The following ASIC2 variants were observed in gnomAD, a reference collection of about 807,000 sequenced individuals.
ASIC2 encodes the protein acid sensing ion channel subunit 2.
A neutral mutation model predicts 57.3 loss-of-function variants in ASIC2; 25 were observed. The observed-to-expected ratio is 0.44, with a 90% CI of 0.32 to 0.61. The LOEUF is 0.61. ASIC2 is among the 20% of genes least tolerant of loss of function. The pLI is 0.06. For synonymous variants in ASIC2, 319 were observed against 307.5 expected, an observed-to-expected ratio of 1.04 and a Z score of -0.39; for missense variants, 641 against 738.1, an observed-to-expected ratio of 0.87 and a Z score of 1.52.
chr17:33,719,537 T>C (rs1419636658), intron 1 of ASIC2, among the ~76,000 whole-genome samples: 1 of 152,218 alleles, frequency 6.6e-6, no homozygotes, highest in African/African-American at 2.4e-5. Flanking sequence ...GAATAAGATG[T>C]TTTGCTGCCA....
chr17:33,128,525 A>G (rs1294168111), intron 1 of ASIC2, among the ~76,000 whole-genome samples: 3 of 152,150 alleles, frequency 2.0e-5, no homozygotes, highest in Admixed American at 6.5e-5. Context: ...ACACCCATGC[A>G]GGAGGGAAGT....
intron 1 of ASIC2, among the ~76,000 whole-genome samples, chr17:33,347,852 A>G (rs1908012245): frequency 6.6e-6 from 1 of 152,178 alleles, no homozygotes; most frequent in South Asian, 2.1e-4. Context: ...CTGTAATCTC[A>G]GCACTTTGGG....
At chr17:33,660,347 T>TA (rs141606293) in intron 1 of ASIC2, among the ~76,000 whole-genome samples, 8,188 of 151,248 alleles carry the variant, frequency 0.054, 274 homozygotes, top group Non-Finnish European at 0.084. Context: ...ACTTTTTAAT[T>TA]AAAAAAAAAT....
At chr17:33,409,511 G>C (rs901643220) in intron 1 of ASIC2, among the ~76,000 whole-genome samples, 3 of 152,188 alleles carry the variant, frequency 2.0e-5, no homozygotes, top group African/African-American at 7.2e-5. Context: ...GAGAATGATA[G>C]AGATGCGTGA....
intron 1 of ASIC2, among the ~76,000 whole-genome samples, chr17:33,326,378 T>C (rs749342529): frequency 1.3e-5 from 2 of 152,148 alleles, no homozygotes; most frequent in Non-Finnish European, 2.9e-5. Flanking sequence ...TATCCCTCAT[T>C]GTTATGTTTG....
At chr17:33,942,654 C>A (rs909387066) in intron 1 of ASIC2, among the ~76,000 whole-genome samples, 5 of 152,252 alleles carry the variant, frequency 3.3e-5, no homozygotes, top group Admixed American at 2.6e-4. Flanking sequence ...GTGGCAGAGA[C>A]AAATTGGGGC....
intron 1 of ASIC2, among the ~76,000 whole-genome samples, chr17:33,283,064 C>A (rs776466784): frequency 6.6e-6 from 1 of 152,222 alleles, no homozygotes; most frequent in Non-Finnish European, 1.5e-5. Context: ...CCCAGCTAGG[C>A]CCTGGCCCTC....
chr17:33,383,961 C>G (rs1909580271), intron 1 of ASIC2, among the ~76,000 whole-genome samples: 1 of 152,106 alleles, frequency 6.6e-6, no homozygotes, highest in African/African-American at 2.4e-5. Context: ...AAACACAAAC[C>G]AGAGAGTGGT....
intron 1 of ASIC2, among the ~76,000 whole-genome samples, chr17:33,205,777 C>T (rs151158149): frequency 9.2e-5 from 14 of 152,252 alleles, no homozygotes; most frequent in Non-Finnish European, 1.6e-4. Context: ...CCCGGCATGC[C>T]GCAGGGCTGG....
chr17:33,502,606 C>G (rs1376009063), intron 1 of ASIC2, among the ~76,000 whole-genome samples: 1 of 152,212 alleles, frequency 6.6e-6, no homozygotes, highest in Non-Finnish European at 1.5e-5. Context: ...TTGTCAACGA[C>G]TGGAGTAGAC....
intron 1 of ASIC2, among the ~76,000 whole-genome samples, chr17:33,898,538 A>G (rs997352357): frequency 6.6e-6 from 1 of 152,086 alleles, no homozygotes; most frequent in Admixed American, 6.6e-5. Flanking sequence ...CCCTGACCTC[A>G]TGTATACTCT....
intron 1 of ASIC2, among the ~76,000 whole-genome samples, chr17:33,475,074 C>T (rs930367879): frequency 1.3e-5 from 2 of 152,110 alleles, no homozygotes; most frequent in East Asian, 3.9e-4. Context: ...ACTCAACACC[C>T]TCTTCTTGGC....
intron 1 of ASIC2, among the ~76,000 whole-genome samples, chr17:34,125,934 C>A (rs1032276223): frequency 6.6e-6 from 1 of 152,222 alleles, no homozygotes; most frequent in Admixed American, 6.5e-5. Flanking sequence ...CCATGCCCCC[C>A]ATCCACGTCA....
At chr17:33,090,039 AC>A (rs751489007) in intron 2 of ASIC2, among the ~76,000 whole-genome samples, 9 of 152,078 alleles carry the variant, frequency 5.9e-5, no homozygotes, top group Non-Finnish European at 1.3e-4. Flanking sequence ...GTTTCCAAGG[AC>A]CCCAGGCTCC....
chr17:33,710,956 A>C (rs1285524641), intron 1 of ASIC2, among the ~76,000 whole-genome samples: 21 of 150,212 alleles, frequency 1.4e-4, no homozygotes, highest in Non-Finnish European at 1.5e-5. Context: ...TTTTAATTTT[A>C]ATTTTTTTGA....
chr17:33,795,186 T>C (rs1350889429), intron 1 of ASIC2, among the ~76,000 whole-genome samples: 1 of 152,220 alleles, frequency 6.6e-6, no homozygotes, highest in East Asian at 1.9e-4. Flanking sequence ...TGCTCAGATG[T>C]TCCTTTAGGT....
At chr17:33,305,727 A>G (rs544320671) in intron 1 of ASIC2, among the ~76,000 whole-genome samples, 1 of 152,344 alleles carries the variant, frequency 6.6e-6, no homozygotes, top group East Asian at 1.9e-4. Flanking sequence ...GACAGGATCT[A>G]TTGCAGAAGG....
At chr17:33,365,873 G>A (rs1908789911) in intron 1 of ASIC2, among the ~76,000 whole-genome samples, 1 of 152,230 alleles carries the variant, frequency 6.6e-6, no homozygotes, top group Non-Finnish European at 1.5e-5. Flanking sequence ...TGAATTTGGG[G>A]AACATGGACA....
chr17:33,093,928 C>A (rs2092167472), intron 2 of ASIC2, among the ~76,000 whole-genome samples: 1 of 152,146 alleles, frequency 6.6e-6, no homozygotes, highest in African/African-American at 2.4e-5. Flanking sequence ...TGATACAAAG[C>A]AATCTTGCTT....
Sources: allele counts gnomAD v4.1 joint callset (sites outside exome capture counted in the v4.1 genomes callset), GRCh38; gene constraint gnomAD v4.1.1; transcripts MANE v1.5; gene names NCBI Gene and HGNC (gene_info 2026-07-23, HGNC 2026-07-21).